TMEM120B: variants seen among roughly 807,000 people sequenced by gnomAD.
The protein encoded by TMEM120B is transmembrane protein 120B.
In TMEM120B, 31 loss-of-function variants were observed where a neutral mutation model predicts 55.5. That is an observed-to-expected ratio of 0.56 (90% CI 0.42 to 0.75). The LOEUF is 0.75. Ranked by LOEUF, TMEM120B falls within the 30% of genes least tolerant of loss-of-function variation. TMEM120B has a pLI of 0.00. For synonymous variants in TMEM120B, 203 were observed against 176.3 expected (o/e 1.15, Z -1.20); for missense variants, 399 against 425.5 (o/e 0.94, Z 0.55).
At chr12:121,716,518 T>C (rs996379150) in intron 1 of TMEM120B, among the ~76,000 whole-genome samples, 2 of 151,852 alleles carry the variant, frequency 1.3e-5, no homozygotes, top group Admixed American at 6.6e-5. Context: ...TGTGTAACAA[T>C]GTGTAATGTC....
intron 6 of TMEM120B, among the ~76,000 whole-genome samples, chr12:121,768,800 T>C (rs1382633918): frequency 1.3e-5 from 2 of 151,936 alleles, no homozygotes; most frequent in South Asian, 2.1e-4. Context: ...AGGCTGCCCC[T>C]GATGCTGGGG....
intron 6 of TMEM120B, among the ~76,000 whole-genome samples, chr12:121,768,794 T>C (rs1158008457): frequency 6.6e-6 from 1 of 151,972 alleles, no homozygotes; most frequent in African/African-American, 2.4e-5. Flanking sequence ...TTTCCTAGGC[T>C]GCCCCTGATG....
chr12:121,770,121 G>A (rs137972237), intron 6 of TMEM120B, among the ~76,000 whole-genome samples: 170 of 152,230 alleles, frequency 1.1e-3, no homozygotes, highest in Non-Finnish European at 1.9e-3. Flanking sequence ...AGTACCGCCC[G>A]CCGAGTGTCC....
Position 121,771,479 on chromosome 12 carries a change from T to G in TMEM120B, c.618-9T>G, listed in dbSNP as rs2137384198. 6.2e-7 allele frequency: 1 copy of G among 1,613,720 alleles called. No individual in the cohort carries two copies. Among genetic ancestry groups the G allele is most frequent in the Middle Eastern group, 1.6e-4 (1 of 6,062 alleles). ...GCCCCACCTTTGTTTTTTCCTACCT[T>G]CTCTCCAGGCCTAATGGACCCATTT... is the stretch of plus-strand genomic sequence containing the variant. On this transcript the variant is annotated splice_polypyrimidine_tract_variant and intron_variant, in intron 7 of 11. Transcript: ENST00000449592.
At chr12:121,757,548 G>T (rs1204265965) in intron 5 of TMEM120B, among the ~76,000 whole-genome samples, 1 of 137,020 alleles carries the variant, frequency 7.3e-6, no homozygotes, top group African/African-American at 2.8e-5. Flanking sequence ...ACAGAGTCTT[G>T]CTTTGTCGCC....
intron 1 of TMEM120B, among the ~76,000 whole-genome samples, chr12:121,739,592 C>T (rs1322522225): frequency 6.6e-6 from 1 of 152,032 alleles, no homozygotes; most frequent in African/African-American, 2.4e-5. Flanking sequence ...CCCACCTCAG[C>T]CTTCCGAGTA....
At chr12:121,725,228 A>C (rs1265670843) in intron 1 of TMEM120B, among the ~76,000 whole-genome samples, 20 of 152,072 alleles carry the variant, frequency 1.3e-4, no homozygotes. Context: ...TTCTTCCACA[A>C]CTGTCTATCA....
intron 6 of TMEM120B, among the ~76,000 whole-genome samples, chr12:121,767,268 C>T (rs1419202370): frequency 1.3e-5 from 2 of 152,220 alleles, no homozygotes; most frequent in Admixed American, 6.5e-5. Context: ...TCACGCCATT[C>T]TCCTGCCTCA....
chr12:121,739,054 G>A (rs1479944675), intron 1 of TMEM120B, among the ~76,000 whole-genome samples: 2 of 152,110 alleles, frequency 1.3e-5, no homozygotes, highest in Non-Finnish European at 2.9e-5. Flanking sequence ...AGCTGGGTAT[G>A]GTGGCACCTA....
intron 1 of TMEM120B, among the ~76,000 whole-genome samples, chr12:121,721,010 A>G (rs1894780866): frequency 1.3e-5 from 2 of 152,300 alleles, no homozygotes; most frequent in Non-Finnish European, 2.9e-5. Context: ...TCATCTTCCC[A>G]CTGGGGCAGA....
Position 121,750,448 on chromosome 12 carries a change from C to A in TMEM120B, c.365+9C>A. 1 of 1,609,832 alleles carries A rather than the reference C, an allele frequency of 6.2e-7. No homozygotes were observed. The highest frequency in any genetic ancestry group is 8.5e-7 in the Non-Finnish European group (1 of 1,177,838). The stretch of plus-strand genomic sequence containing the variant: ...CTCAGCAACCAGGCCAAGTAAGTGT[C>A]CCCCACCCACCACCCAGACCCACAC... On this transcript the variant is annotated intron_variant, in intron 4 of 11. Coordinates refer to ENST00000449592, the MANE Select transcript of TMEM120B (RefSeq NM_001080825.2).
intron 5 of TMEM120B, 65 bp from the exon 6 acceptor site, chr12:121,761,584 A>G (rs1347610222): frequency 8.1e-7 from 1 of 1,233,328 alleles, no homozygotes; most frequent in East Asian, 2.3e-5. Flanking sequence ...CTGTGAGGTG[A>G]GGGTGGGATG....
rs144637451 is a variant in TMEM120B at position 121,752,769 on chromosome 12, G to C, written c.461+546G>C. 5.5e-4 allele frequency among the ~76,000 whole-genome samples: 83 copies of C among 151,864 alleles called. No homozygotes were observed. The East Asian group carries it at 0.015, about 27-fold the overall frequency. ...TCACCCCAAAAAAAAGGAGTTCACT[G>C]TGGTCTATCTGTACAGTGGCATATC... On this transcript the variant is annotated intron_variant, in intron 5 of 11. Coordinates refer to ENST00000449592, the MANE Select transcript of TMEM120B (RefSeq NM_001080825.2).
intron 1 of TMEM120B, among the ~76,000 whole-genome samples, chr12:121,739,816 T>TTG (rs1162084873): frequency 6.7e-6 from 1 of 148,918 alleles, no homozygotes; most frequent in Non-Finnish European, 1.5e-5. Context: ...TTTTTTTTTT[T>TTG]TTTTTGAGAC....
At chr12:121,737,941 T>G (rs1337180264) in intron 1 of TMEM120B, among the ~76,000 whole-genome samples, 1 of 118,948 alleles carries the variant, frequency 8.4e-6, no homozygotes, top group Non-Finnish European at 1.7e-5. Flanking sequence ...ACCCGGGAGG[T>G]GGAGCATACA....
chr12:121,743,776 C>T (rs1873003407), intron 2 of TMEM120B, 29 bp downstream of exon 2: 7 of 1,527,258 alleles, frequency 4.6e-6, no homozygotes, highest in Admixed American at 1.7e-5. Flanking sequence ...CGGGGGCTGC[C>T]CTGGTTCTGA....
intron 7 of TMEM120B, 107 bp from the exon 8 acceptor site, chr12:121,771,381 A>T: frequency 2.0e-6 from 2 of 992,328 alleles, no homozygotes; most frequent in South Asian, 1.3e-5. Flanking sequence ...CCTCAGTTTG[A>T]CTTTATACAC....
At chr12:121,714,467 G>C (rs1894658012) in intron 1 of TMEM120B, among the ~76,000 whole-genome samples, 1 of 151,710 alleles carries the variant, frequency 6.6e-6, no homozygotes, top group Non-Finnish European at 1.5e-5. Flanking sequence ...ATGTTGGCCA[G>C]GCTTCTGACC....
intron 1 of TMEM120B, among the ~76,000 whole-genome samples, chr12:121,722,607 G>T (rs1485298245): frequency 6.6e-6 from 1 of 152,066 alleles, no homozygotes; most frequent in East Asian, 1.9e-4. Flanking sequence ...GTTGCAGAGG[G>T]GTATGTACAA....
Sources: allele counts gnomAD v4.1 joint callset (sites outside exome capture counted in the v4.1 genomes callset), GRCh38; gene constraint gnomAD v4.1.1; transcripts MANE v1.5; gene names NCBI Gene and HGNC (gene_info 2026-07-23, HGNC 2026-07-21).